Variants in PRPF38B observed in about 807,000 individuals in gnomAD.
PRPF38B encodes the protein pre-mRNA processing factor 38B.
PRPF38B carries 18 observed loss-of-function variants against 67.2 expected under a neutral mutation model. The observed-to-expected ratio is 0.27, with a 90% CI of 0.19 to 0.40. PRPF38B has a LOEUF of 0.40. Ranked by LOEUF, PRPF38B falls within the 10% of genes least tolerant of loss-of-function variation. The pLI, the probability that PRPF38B is intolerant of heterozygous loss-of-function variation, is 1.00. For missense variants in PRPF38B, 544 were observed against 684.9 expected (o/e 0.79, Z 2.30); for synonymous variants, 246 against 234.2 (o/e 1.05, Z -0.46).
chr1:108,695,555 T>G, intron 1 of PRPF38B, 147 bp from the exon 2 acceptor site: 1 of 693,286 alleles, frequency 1.4e-6, no homozygotes, highest in Non-Finnish European at 2.4e-6. Context: ...CAAAAATGAT[T>G]TACACACTTA....
chr1:108,695,621 T>C lies in PRPF38B; in HGVS notation c.277-81T>C, dbSNP rs540589212. ...TAATTTTGGAAGAGCTGCTCTATTA[T>C]GGACTTGGGTTTACTTTTATCAGGC... On this transcript the variant is annotated intron_variant, in intron 1 of 5. Transcript: ENST00000370025. The C allele has an allele frequency of 1.6e-5, 22 of 1,368,490 alleles. No homozygotes were observed. The African/African-American group carries it at 3.0e-4, about 19-fold the overall frequency. 84.8% of individuals were successfully genotyped at this position (1,368,490 alleles called of 1,614,324 possible). A position where few individuals can be genotyped will look rare whatever the true frequency, so the allele number is the denominator to read the frequency against.
chr1:108,702,149 C>T lies in PRPF38B; in HGVS notation c.*2129C>T, dbSNP rs1255627843. Reference sequence around the variant, plus strand: ...TTTTTAGTTTGTTTTTGTTTTGAGACGGGCCTGGCTCTGTCACCCAGACTG... The same window carrying T: ...TTTTTAGTTTGTTTTTGTTTTGAGATGGGCCTGGCTCTGTCACCCAGACTG... On this transcript the variant is annotated 3_prime_UTR_variant, in exon 6 of 6. Coordinates refer to ENST00000370025, the MANE Select transcript of PRPF38B (RefSeq NM_018061.4). Among the ~76,000 whole-genome samples the T allele has an allele frequency of 2.6e-5, 4 of 152,130 alleles. No homozygotes were observed. The highest frequency in any genetic ancestry group is 4.4e-5 in the Non-Finnish European group (3 of 68,012).
rs969286543 is a variant in PRPF38B at position 108,702,098 on chromosome 1, C to G, written c.*2078C>G. ...TCACCTCGATTGACAGTTCGATGAT[C>G]GTCACTACATTTGATTTCTTGTGGG... On this transcript the variant is annotated 3_prime_UTR_variant, in exon 6 of 6. Coordinates refer to ENST00000370025, the MANE Select transcript of PRPF38B (RefSeq NM_018061.4). Among the ~76,000 whole-genome samples, 4 of 152,132 alleles carry G rather than the reference C, an allele frequency of 2.6e-5. No homozygotes were observed. The highest frequency in any genetic ancestry group is 2.0e-4 in the Admixed American group (3 of 15,270).
chr1:108,698,937 A>T (rs1306864290), intron 5 of PRPF38B, 110 bp downstream of exon 5: 2 of 1,295,472 alleles, frequency 1.5e-6, no homozygotes, highest in Non-Finnish European at 2.1e-6. Flanking sequence ...TCATTTTATT[A>T]GTTTGTCACT....
rs1196277294 is a variant in PRPF38B at position 108,701,946 on chromosome 1, A to G, written c.*1926A>G. The G allele has an allele frequency of 2.0e-5, 3 of 152,206 alleles. No individual in the cohort carries two copies. The highest frequency in any genetic ancestry group is 4.4e-5 in the Non-Finnish European group (3 of 68,030). 9.4% of individuals were successfully genotyped at this position (152,206 alleles called of 1,614,324 possible). A position where few individuals can be genotyped will look rare whatever the true frequency, so the allele number is the denominator to read the frequency against. ...TAAATTTGTCTTGTGTTGAAAATCT[A>G]CTTTTAGCATACCTAAATTATGGAG... On this transcript the variant is annotated 3_prime_UTR_variant, in exon 6 of 6. Transcript: ENST00000370025.
At chr1:108,695,330 A>C (rs1177722075) in intron 1 of PRPF38B, among the ~76,000 whole-genome samples, 1 of 152,200 alleles carries the variant, frequency 6.6e-6, no homozygotes, top group Non-Finnish European at 1.5e-5. Flanking sequence ...ATGTTAAGCA[A>C]CCCATAAGTT....
In PRPF38B at chr1:108,700,988, T is replaced by C. The variant is rs1182789967; in HGVS notation, c.*968T>C. The stretch of plus-strand genomic sequence containing the variant: ...TTGATATAGTGTCCTTTTTTTAAAA[T>C]TCAGAACTTTTTTTATTGATAATGG... On this transcript the variant is annotated 3_prime_UTR_variant, in exon 6 of 6. Transcript: ENST00000370025. 1.3e-5 allele frequency: 2 copies of C among 152,514 alleles called. No individual in the cohort carries two copies. Among genetic ancestry groups the C allele is most frequent in the African/African-American group, 4.8e-5 (2 of 41,438 alleles). 9.4% of individuals were successfully genotyped at this position (152,514 alleles called of 1,614,324 possible). A position where few individuals can be genotyped will look rare whatever the true frequency, so the allele number is the denominator to read the frequency against.
chr1:108,698,520 C>A, intron 4 of PRPF38B, 84 bp from the exon 5 acceptor site: 2 of 994,450 alleles, frequency 2.0e-6, no homozygotes, highest in Non-Finnish European at 2.9e-6. Flanking sequence ...ATTGAGATTC[C>A]AAAGATGGTA....
rs963039610 is a variant in PRPF38B, at chr1:108,702,278, A to G, written c.*2258A>G. 6.6e-6 allele frequency among the ~76,000 whole-genome samples: 1 copy of G among 152,062 alleles called. No homozygotes were observed. Among genetic ancestry groups the G allele is most frequent in the Non-Finnish European group, 1.5e-5 (1 of 68,004 alleles). ...GTAGCTGGGACCACAGGTGCATGCT[A>G]GCACACCCGGCTAATTTGTATTTTT... is the stretch of plus-strand genomic sequence containing the variant. On this transcript the variant is annotated 3_prime_UTR_variant, in exon 6 of 6. Transcript: ENST00000370025.
At position 108,695,245 on chromosome 1, in the gene PRPF38B, G is replaced by GGGA. The variant is rs751559487; in HGVS notation, c.277-457_277-456insGGA. 1.1e-3 allele frequency among the ~76,000 whole-genome samples: 174 copies of GGGA among 152,248 alleles called. 1 individual carries two copies. Among genetic ancestry groups the GGGA allele is most frequent in the Non-Finnish European group, 1.8e-3 (124 of 67,996 alleles). On this transcript the variant is annotated intron_variant, in intron 1 of 5. Coordinates refer to ENST00000370025, the MANE Select transcript of PRPF38B (RefSeq NM_018061.4). ...AAAATTGAACTATTGAAGGTGTTTT[G>GGGA]AAGTTTTTAAATTAATGCTTAACGT...
rs1054766328 is a variant in PRPF38B, at chr1:108,700,909, C to T, written c.*889C>T. 2.0e-5 allele frequency: 3 copies of T among 152,290 alleles called. No homozygotes were observed. Among genetic ancestry groups the T allele is most frequent in the African/African-American group, 7.2e-5 (3 of 41,434 alleles). The allele number at this position is 152,290 out of a possible 1,614,324, so 9.4% of individuals were successfully genotyped here. On this transcript the variant is annotated 3_prime_UTR_variant, in exon 6 of 6. Transcript: ENST00000370025. ...GATGAGTAGAGAAACAGATTCAAGC[C>T]TCAAGCTTCCAAAGCATTTTTATAA...
At chr1:108,696,423 C>T (rs1659863312) in intron 4 of PRPF38B, 86 bp downstream of exon 4, 1 of 1,202,018 alleles carries the variant, frequency 8.3e-7, no homozygotes, top group African/African-American at 1.5e-5. Flanking sequence ...TTAATGTCTT[C>T]AAGAACTTCC....
chr1:108,696,036 C>T lies in PRPF38B; in HGVS notation c.346-7C>T, dbSNP rs778393003. ...TACTACTTTTTCTTAACTCGTTTCCCCTAAAGGTTCGAGGTGTTGGAACAG... is the reference window on the plus strand; with the variant it reads ...TACTACTTTTTCTTAACTCGTTTCCTCTAAAGGTTCGAGGTGTTGGAACAG... On this transcript the variant is annotated splice_polypyrimidine_tract_variant and splice_region_variant and intron_variant, in intron 2 of 5. Transcript: ENST00000370025. 2 of 1,610,546 alleles carry T rather than the reference C, an allele frequency of 1.2e-6. No individual in the cohort carries two copies. Among genetic ancestry groups the T allele is most frequent in the East Asian group, 4.5e-5 (2 of 44,850 alleles).
At position 108,699,893 on chromosome 1, in the gene PRPF38B, A is replaced by G. The variant is rs1557772908; in HGVS notation, c.1514A>G (p.Glu505Gly). The G allele has an allele frequency of 9.3e-6, 15 of 1,614,208 alleles. No homozygotes were observed. The highest frequency in any genetic ancestry group is 1.3e-5 in the Non-Finnish European group (15 of 1,180,024). Residue 505 changes from glutamate (E) to glycine (G), a missense_variant, in exon 6 of 6, where the codon GAA becomes GGA. Around this residue, in one of 5 missense-constraint regions of PRPF38B, gnomAD observed 387 missense variants for 386.1 expected, o/e 1.00. Transcript: ENST00000370025. ...TCTAGAAAGCGTAGTAGAAGCAAAGAACGTTCCCACAAACGAGATCACAGT... is the reference window on the plus strand; with the variant it reads ...TCTAGAAAGCGTAGTAGAAGCAAAGGACGTTCCCACAAACGAGATCACAGT... ...EKSRKRSRSK[E>G]RSHKRDHSDS...
intron 4 of PRPF38B, chr1:108,697,111 G>A (rs1570686577): frequency 1.0e-5 from 2 of 200,314 alleles, no homozygotes; most frequent in Non-Finnish European, 2.0e-5. Context: ...GAGCATAGAG[G>A]TATGCATCTT....
At position 108,702,733 on chromosome 1, in the gene PRPF38B, C is replaced by G. The variant is rs1481745672; in HGVS notation, c.*2713C>G. Among the ~76,000 whole-genome samples the G allele has an allele frequency of 6.6e-6, 1 of 152,052 alleles. No homozygotes were observed. Among genetic ancestry groups the G allele is most frequent in the Non-Finnish European group, 1.5e-5 (1 of 68,010 alleles). Reference sequence around the variant, plus strand: ...GCTCACCACCAAGGTACATGTATATCTAGGTAACAAACCGGCACGTTCTGC... The same window carrying G: ...GCTCACCACCAAGGTACATGTATATGTAGGTAACAAACCGGCACGTTCTGC... On this transcript the variant is annotated 3_prime_UTR_variant, in exon 6 of 6. Transcript: ENST00000370025.
rs771752935 is a variant in PRPF38B at position 108,699,155 on chromosome 1, T to G, written c.783-7T>G. The G allele has an allele frequency of 1.3e-5, 20 of 1,583,524 alleles. No individual in the cohort carries two copies. The highest frequency in any genetic ancestry group is 5.8e-5 in the South Asian group (5 of 86,930). The stretch of plus-strand genomic sequence containing the variant: ...TGAAATTTTCTTTCTCCCTCCGCCT[T>G]CCTTAGGTCTCCAAGGAGATCTCTG... On this transcript the variant is annotated splice_polypyrimidine_tract_variant and splice_region_variant and intron_variant, in intron 5 of 5. Coordinates refer to ENST00000370025, the MANE Select transcript of PRPF38B (RefSeq NM_018061.4).
Position 108,699,847 on chromosome 1 carries a change from C to T in PRPF38B, c.1468C>T (p.His490Tyr), listed in dbSNP as rs779636025. The T allele has an allele frequency of 2.5e-6, 4 of 1,613,744 alleles. No homozygotes were observed. The highest frequency in any genetic ancestry group is 3.4e-6 in the Non-Finnish European group (4 of 1,179,940). Reference protein sequence around the residue: ...DSVEKSKKREHSPSKEKSRKR... With the variant: ...DSVEKSKKREYSPSKEKSRKR... ...TGTTGAAAAATCAAAAAAACGGGAA[C>T]ATAGTCCCAGCAAAGAAAAATCTAG... is the stretch of plus-strand genomic sequence containing the variant. Residue 490 changes from histidine (H) to tyrosine (Y), a missense_variant, in exon 6 of 6, where the codon CAT becomes TAT. This residue lies in a region of PRPF38B where 387 missense variants were observed against 386.1 expected (regional missense o/e 1.00). Transcript: ENST00000370025.
chr1:108,695,824 A>T (rs1322938696), intron 2 of PRPF38B, 54 bp downstream of exon 2: 3 of 1,570,028 alleles, frequency 1.9e-6, no homozygotes, highest in African/African-American at 1.4e-5. Flanking sequence ...AACTAAGTTT[A>T]TATTTAGAGA....
Sources: allele counts gnomAD v4.1 joint callset (sites outside exome capture counted in the v4.1 genomes callset), GRCh38; gene constraint gnomAD v4.1.1; regional missense constraint gnomAD v4.1.1; transcripts MANE v1.5; gene names NCBI Gene and HGNC (gene_info 2026-07-23, HGNC 2026-07-21).